GABRB3: variants seen among roughly 807,000 people sequenced by gnomAD.
GABRB3 encodes the protein gamma-aminobutyric acid type A receptor subunit beta3, also known as gamma-aminobutyric acid receptor subunit beta-3.
GABRB3 carries 14 observed loss-of-function variants against 52.1 expected under a neutral mutation model. That is an observed-to-expected ratio of 0.27 (90% CI 0.18 to 0.42). The LOEUF is 0.42. Among genes scored for constraint, GABRB3 ranks in the 10% least tolerant of loss-of-function variants. GABRB3 has a pLI of 1.00. For missense variants in GABRB3, 307 were observed against 609.1 expected (o/e 0.50, Z 5.22); for synonymous variants, 260 against 232.3 (o/e 1.12, Z -1.08).
intron 3 of GABRB3, among the ~76,000 whole-genome samples, chr15:26,751,838 C>A (rs1890518405): frequency 6.6e-6 from 1 of 151,878 alleles, no homozygotes; most frequent in Admixed American, 6.5e-5. Flanking sequence ...CATGTTCTTG[C>A]ACCACACTAG....
At chr15:26,654,305 CTGG>C (rs1887294957) in intron 3 of GABRB3, among the ~76,000 whole-genome samples, 1 of 152,172 alleles carries the variant, frequency 6.6e-6, no homozygotes, top group Admixed American at 6.5e-5. Context: ...GCCACCATGC[CTGG>C]CTAATTTTTT....
chr15:26,691,292 T>C (rs184819456), intron 3 of GABRB3, among the ~76,000 whole-genome samples: 12 of 152,298 alleles, frequency 7.9e-5, no homozygotes, highest in Admixed American at 7.8e-4. Flanking sequence ...AATGATTTCT[T>C]TATAAATTTC....
intron 3 of GABRB3, among the ~76,000 whole-genome samples, chr15:26,655,868 G>T (rs1887357280): frequency 6.6e-6 from 1 of 152,044 alleles, no homozygotes; most frequent in Admixed American, 6.6e-5. Context: ...CAAAGAGAAA[G>T]CTCATTATTG....
intron 4 of GABRB3, among the ~76,000 whole-genome samples, chr15:26,603,533 T>C (rs1891661604): frequency 1.3e-5 from 2 of 152,056 alleles, no homozygotes; most frequent in Admixed American, 1.3e-4. Context: ...AACAAAATAC[T>C]AGGAAACGAA....
intron 7 of GABRB3, among the ~76,000 whole-genome samples, chr15:26,562,367 A>G (rs903538045): frequency 2.6e-5 from 4 of 152,220 alleles, no homozygotes; most frequent in Non-Finnish European, 4.4e-5. Flanking sequence ...TCAGGACCCA[A>G]TAAAGAGAAT....
At chr15:26,724,886 A>T (rs1181376523) in intron 3 of GABRB3, among the ~76,000 whole-genome samples, 1 of 152,172 alleles carries the variant, frequency 6.6e-6, no homozygotes, top group East Asian at 1.9e-4. Flanking sequence ...TACACTTCCC[A>T]GCCTATCAGA....
intron 8 of GABRB3, among the ~76,000 whole-genome samples, chr15:26,548,538 G>C (rs1889344663): frequency 6.6e-6 from 1 of 152,076 alleles, no homozygotes; most frequent in Admixed American, 6.6e-5. Context: ...AAGTCATCTT[G>C]TTCCCTTTTC....
At chr15:26,753,234 C>G (rs75097732) in intron 3 of GABRB3, among the ~76,000 whole-genome samples, 1 of 152,080 alleles carries the variant, frequency 6.6e-6, no homozygotes, top group African/African-American at 2.4e-5. Context: ...TACCCCTTCA[C>G]GACACACATC....
At chr15:26,763,138 G>T (rs1456518564) in intron 3 of GABRB3, among the ~76,000 whole-genome samples, 2 of 152,202 alleles carry the variant, frequency 1.3e-5, no homozygotes, top group Non-Finnish European at 2.9e-5. Context: ...TGTATCAGTG[G>T]TGAGAAATTA....
chr15:26,676,032 A>C (rs567976850), intron 3 of GABRB3, among the ~76,000 whole-genome samples: 1 of 152,306 alleles, frequency 6.6e-6, no homozygotes, highest in South Asian at 2.1e-4. Context: ...TTGTCATCAG[A>C]ACTTATGCAG....
At chr15:26,700,129 C>T in intron 3 of GABRB3, among the ~76,000 whole-genome samples, 1 of 151,758 alleles carries the variant, frequency 6.6e-6, no homozygotes, top group Admixed American at 6.6e-5. Flanking sequence ...AGAGAATAAA[C>T]AAAATTACTA....
chr15:26,603,903 T>C (rs1262017600), intron 4 of GABRB3, among the ~76,000 whole-genome samples: 1 of 152,122 alleles, frequency 6.6e-6, no homozygotes, highest in Non-Finnish European at 1.5e-5. Context: ...GTGTTCAACA[T>C]AGTACTGTAA....
chr15:26,647,079 G>A (rs1371914778), intron 3 of GABRB3, among the ~76,000 whole-genome samples: 3 of 152,110 alleles, frequency 2.0e-5, no homozygotes, highest in South Asian at 2.1e-4. Flanking sequence ...TCTTGACCTC[G>A]TGATCCACCC....
intron 3 of GABRB3, among the ~76,000 whole-genome samples, chr15:26,714,392 C>T (rs1212880608): frequency 6.6e-6 from 1 of 152,214 alleles, no homozygotes; most frequent in Non-Finnish European, 1.5e-5. Flanking sequence ...TCAGGAGGTC[C>T]TGATGACATG....
In GABRB3 at chr15:26,567,885, G is replaced by T. The variant is rs576521138; in HGVS notation, c.683-152C>A. On this transcript the variant is annotated intron_variant, in intron 6 of 8. Coordinates refer to ENST00000311550, the MANE Select transcript of GABRB3 (RefSeq NM_000814.6). Reference sequence around the variant, plus strand: ...AAGCAGTTTGCTTCTGTCTGCTAGCGGTATTTATAGAAGAATTAGGAGGGG... The same window carrying T: ...AAGCAGTTTGCTTCTGTCTGCTAGCTGTATTTATAGAAGAATTAGGAGGGG... The T allele has an allele frequency of 1.2e-5, 9 of 721,028 alleles. No homozygotes were observed. The South Asian group carries it at 1.5e-4, about 12-fold the overall frequency. The allele number at this position is 721,028 out of a possible 1,614,324, so 44.7% of individuals were successfully genotyped here.
chr15:26,564,959 C>A (rs548942014), intron 7 of GABRB3, among the ~76,000 whole-genome samples: 2 of 152,160 alleles, frequency 1.3e-5, no homozygotes, highest in South Asian at 2.1e-4. Context: ...TGAAATCTTT[C>A]TTCTGAAACT....
rs376513907 is a variant in GABRB3 at position 26,595,732 on chromosome 15, T to C, written c.462-12318A>G. Among the ~76,000 whole-genome samples the C allele has an allele frequency of 9.2e-5, 14 of 152,250 alleles. No homozygotes were observed. The East Asian group carries it at 1.2e-3, about 13-fold the overall frequency. On this transcript the variant is annotated intron_variant, in intron 4 of 8. Coordinates refer to ENST00000311550, the MANE Select transcript of GABRB3 (RefSeq NM_000814.6). ...CCCTGTTCCAGGAATGCCTCTAAGA[T>C]TTCTACTTTTTCTACTGTTACCATA... is the stretch of plus-strand genomic sequence containing the variant.
chr15:26,753,749 G>A (rs1788308903), intron 3 of GABRB3, among the ~76,000 whole-genome samples: 2 of 152,184 alleles, frequency 1.3e-5, no homozygotes, highest in Admixed American at 6.5e-5. Context: ...CAGTGAATGT[G>A]GGTACAGGAA....
Position 26,624,290 on chromosome 15 carries a change from G to A in GABRB3, c.241-2756C>T, listed in dbSNP as rs145024961. On this transcript the variant is annotated intron_variant, in intron 3 of 8. Transcript: ENST00000311550. ...ACAAAAGGAGGATGTGTTAGTGGTG[G>A]CGACCACAGAGTTTCTCTACTATCA... 140 of 985,728 alleles carry A rather than the reference G, an allele frequency of 1.4e-4. 1 individual carries two copies. In the African/African-American group the frequency reaches 2.2e-3, roughly 16 times the overall value. 61.1% of individuals were successfully genotyped at this position (985,728 alleles called of 1,614,324 possible).
Sources: gnomAD v4.1 joint callset for allele counts (sites outside exome capture counted in the v4.1 genomes callset) on GRCh38, gnomAD v4.1.1 for gene constraint, MANE v1.5 for transcripts, NCBI Gene and HGNC (gene_info 2026-07-23, HGNC 2026-07-21) for gene names.